Variants in PMS2 observed in about 807,000 individuals in gnomAD.
PMS2 encodes the protein mismatch repair endonuclease PMS2.
In PMS2, 69 loss-of-function variants were observed where a neutral mutation model predicts 90.0. The ratio of observed to expected loss-of-function variants is 0.77; its 90% CI spans 0.63 to 0.94. The LOEUF is 0.94. Among genes scored for constraint, PMS2 ranks in the 40% least tolerant of loss-of-function variants. The probability of loss-of-function intolerance (pLI) is 0.00; values close to 1 mark genes in which losing one functional copy is unlikely to be tolerated. For missense variants in PMS2, 966 were observed against 1,040.2 expected (o/e 0.93, Z 0.98); for synonymous variants, 332 against 375.1 (o/e 0.89, Z 1.33).
At chr7:5,979,548 G>A (rs1159827145) in intron 12 of PMS2, among the ~76,000 whole-genome samples, 9 of 149,774 alleles carry the variant, frequency 6.0e-5, no homozygotes, top group Non-Finnish European at 1.2e-4. Flanking sequence ...TTGAAACACT[G>A]GGTTAGGTCA....
In PMS2 at chr7:5,997,425, T is replaced by TTAA; in HGVS notation, c.706-3_706-2insTTA. 7.0e-7 allele frequency: 1 copy of TTAA among 1,424,092 alleles called. No individual in the cohort carries two copies. Among genetic ancestry groups the TTAA allele is most frequent in the Non-Finnish European group, 9.5e-7 (1 of 1,050,708 alleles). The allele number at this position is 1,424,092 out of a possible 1,614,324, so 88.2% of individuals were successfully genotyped here. ...AACAAAAGGAATGAGGCTTTGCAAC[T>TTAA]GAAAAAAAAAAAAAAAAATTCACAG... On this transcript the variant is annotated splice_region_variant and splice_polypyrimidine_tract_variant and intron_variant, in intron 6 of 14. Coordinates refer to ENST00000265849, the MANE Select transcript of PMS2 (RefSeq NM_000535.7).
rs1554309080 is a variant in PMS2 at position 6,009,016 on chromosome 7, C to G, written c.4G>C (p.Glu2Gln). The stretch of plus-strand genomic sequence containing the variant: ...GCTCACCTCGAGCTCTCAGCTCGCT[C>G]CATGGATGCAACACCCGATCCGCCT... M[E>Q]RAESSSTEPA... The change falls in exon 1 of 15, where the codon GAG becomes CAG. Residue 2 changes from glutamate (E) to glutamine (Q), a missense_variant. Physicochemically the swap from Glu to Gln is conservative, Grantham distance 29. Around this residue, in one of 2 missense-constraint regions of PMS2, gnomAD observed 871 missense variants for 802.4 expected, o/e 1.09. Transcript: ENST00000265849. 1.2e-6 allele frequency: 2 copies of G among 1,612,598 alleles called. No individual in the cohort carries two copies. Among genetic ancestry groups the G allele is most frequent in the Non-Finnish European group, 1.7e-6 (2 of 1,179,846 alleles).
intron 10 of PMS2, among the ~76,000 whole-genome samples, chr7:5,989,447 T>G (rs1783467622): frequency 6.6e-6 from 1 of 150,574 alleles, no homozygotes; most frequent in Non-Finnish European, 1.5e-5. Context: ...AAAACAGACA[T>G]GACAAGGGAG....
intron 2 of PMS2, 172 bp from the exon 3 acceptor site, chr7:6,004,230 T>C (rs987797156): frequency 1.1e-5 from 6 of 570,272 alleles, no homozygotes; most frequent in South Asian, 2.3e-5. Flanking sequence ...TCTGGCTATT[T>C]ACTAGCCCAG....
At position 5,987,021 on chromosome 7, in the gene PMS2, C is replaced by G; in HGVS notation, c.1744G>C (p.Glu582Gln). Residue 582 changes from glutamate to glutamine, a missense_variant, in exon 11 of 15, where the codon GAA (glutamate) becomes CAA (glutamine). Coordinates refer to ENST00000265849, the MANE Select transcript of PMS2 (RefSeq NM_000535.7). ...ATPNTKRFKKEEILSSSDICQ... is the reference protein window; with the variant it reads ...ATPNTKRFKKQEILSSSDICQ... ...ATGTCAGAACTGGAAAGAATTTCTT[C>G]TTTTTTAAAACGCTTTGTGTTTGGG... 1.2e-6 allele frequency: 2 copies of G among 1,614,140 alleles called. No homozygotes were observed. The highest frequency in any genetic ancestry group is 1.7e-6 in the Non-Finnish European group (2 of 1,180,022).
intron 8 of PMS2, among the ~76,000 whole-genome samples, chr7:5,993,441 G>A (rs918193192): frequency 8.4e-5 from 12 of 142,568 alleles, no homozygotes; most frequent in Non-Finnish European, 1.4e-4. Flanking sequence ...GTGTTGCTAA[G>A]ATACAAACTC....
intron 11 of PMS2, among the ~76,000 whole-genome samples, chr7:5,983,325 G>A (rs1782509809): frequency 6.6e-6 from 1 of 151,372 alleles, no homozygotes. Flanking sequence ...TGGTCAGGCT[G>A]GTCTCGAACT....
chr7:6,002,064 C>A (rs1193576492), intron 5 of PMS2: 4 of 190,222 alleles, frequency 2.1e-5, no homozygotes, highest in Admixed American at 1.6e-4. Flanking sequence ...GGATCTTATT[C>A]TGTCTCCCAG....
At chr7:5,991,525 G>A (rs893174468) in intron 9 of PMS2, among the ~76,000 whole-genome samples, 3 of 149,580 alleles carry the variant, frequency 2.0e-5, no homozygotes, top group Non-Finnish European at 4.4e-5. Context: ...AGTAGAAAGC[G>A]GGAACTCTGT....
intron 8 of PMS2, among the ~76,000 whole-genome samples, chr7:5,994,249 CG>C (rs748508532): frequency 2.0e-5 from 3 of 151,472 alleles, no homozygotes; most frequent in Non-Finnish European, 4.4e-5. Flanking sequence ...GGCGTGGTGG[CG>C]CGCGCCTGTA....
At chr7:5,998,758 G>A (rs1162648487) in intron 6 of PMS2, among the ~76,000 whole-genome samples, 3 of 151,172 alleles carry the variant, frequency 2.0e-5, no homozygotes, top group Admixed American at 6.6e-5. Flanking sequence ...TTGGGAGGCC[G>A]AGGCTGGTGG....
intron 11 of PMS2, among the ~76,000 whole-genome samples, chr7:5,984,371 C>T (rs1782636344): frequency 6.6e-6 from 1 of 151,836 alleles, no homozygotes; most frequent in African/African-American, 2.4e-5. Flanking sequence ...GAGAAATTGA[C>T]ACTGTCATTC....
rs767392742 is a variant in PMS2, at chr7:5,992,046, G to C, written c.915C>G (p.Leu305=). 1.9e-6 allele frequency: 3 copies of C among 1,569,618 alleles called. No individual in the cohort carries two copies. The highest frequency in any genetic ancestry group is 2.6e-6 in the Non-Finnish European group (3 of 1,139,778). ...TATACATGTGGTAGACCTCATTCAC[G>C]AGTCTGCAGACCTGCACAAAATACA... ...RPCDPAKVCR[L]VNEVYHMYNR... Residue 305 remains leucine (L), a synonymous_variant, in exon 9 of 15, where the codon CTC becomes CTG. Transcript: ENST00000265849.
chr7:5,990,337 C>T (rs891487346), intron 9 of PMS2, among the ~76,000 whole-genome samples: 10 of 152,166 alleles, frequency 6.6e-5, no homozygotes, highest in African/African-American at 2.4e-4. Context: ...GAAATTTCCC[C>T]ATCTATTATT....
rs1478263858 is a variant in PMS2 at position 5,982,796 on chromosome 7, T to A, written c.2174+28A>T. 1.9e-6 allele frequency: 3 copies of A among 1,609,726 alleles called. 1 individual carries two copies. In the African/African-American group the frequency reaches 4.0e-5, roughly 22 times the overall value. ...ATTAGATCTTCAATTTGAGGGGGAG[T>A]CTGGGAATGAACACTAAACACACTC... On this transcript the variant is annotated intron_variant, in intron 12 of 14. Coordinates refer to ENST00000265849, the MANE Select transcript of PMS2 (RefSeq NM_000535.7).
At chr7:5,988,052 CAAAAAAAAAAAAAA>C (rs10543125) in intron 10 of PMS2, among the ~76,000 whole-genome samples, 1 of 41,124 alleles carries the variant, frequency 2.4e-5, no homozygotes, top group Admixed American at 3.7e-4. Context: ...CACTCTGTCT[CAAAAAAAAAAAAAA>C]AAAAAAAAAA....
Position 6,002,454 on chromosome 7 carries a change from T to A in PMS2, c.536A>T (p.Lys179Met), listed in dbSNP as rs1785186190. 1 of 1,598,430 alleles carries A rather than the reference T, an allele frequency of 6.3e-7. No individual in the cohort carries two copies. The highest frequency in any genetic ancestry group is 8.6e-7 in the Non-Finnish European group (1 of 1,168,332). Residue 179 changes from lysine to methionine, a missense_variant and splice_region_variant, in exon 5 of 15, where the codon AAG (lysine) becomes ATG (methionine). Around this residue, in one of 2 missense-constraint regions of PMS2, gnomAD observed 871 missense variants for 802.4 expected, o/e 1.09. Transcript: ENST00000265849. ...AAAACCAGGATTAATTTACTGTACC[T>A]TCTTAATATTCCTTTGAAATTCCTT... ...RHKEFQRNIKKEYAKMVQVLH... is the reference protein window; with the variant it reads ...RHKEFQRNIKMEYAKMVQVLH...
intron 10 of PMS2, among the ~76,000 whole-genome samples, chr7:5,988,703 T>G (rs1212671301): frequency 6.6e-6 from 1 of 152,224 alleles, no homozygotes; most frequent in African/African-American, 2.4e-5. Flanking sequence ...AATGGAACAC[T>G]GTATAGCGAA....
intron 1 of PMS2, 92 bp downstream of exon 1, chr7:6,008,905 A>T (rs535888279): frequency 1.3e-6 from 2 of 1,488,852 alleles, no homozygotes; most frequent in African/African-American, 1.4e-5. Flanking sequence ...CGCCTCGGCC[A>T]TGTTCCCCCC....
Sources: gnomAD v4.1 joint callset for allele counts (sites outside exome capture counted in the v4.1 genomes callset) on GRCh38, gnomAD v4.1.1 for gene constraint, gnomAD v4.1.1 regional missense constraint, MANE v1.5 for transcripts, NCBI Gene and HGNC (gene_info 2026-07-23, HGNC 2026-07-21) for gene names.